The following TOPAZ1 variants were observed in gnomAD, a reference collection of about 807,000 sequenced individuals.
The protein encoded by TOPAZ1 is protein TOPAZ1.
TOPAZ1 carries 66 observed loss-of-function variants against 172.2 expected under a neutral mutation model. The ratio of observed to expected loss-of-function variants is 0.38; its 90% confidence interval spans 0.31 to 0.47. TOPAZ1 has a LOEUF of 0.47. TOPAZ1 is among the 20% of genes least tolerant of loss of function. The pLI, the probability that TOPAZ1 is intolerant of heterozygous loss-of-function variation, is 0.99. For missense variants in TOPAZ1, 1,822 were observed against 1,972.4 expected, an observed-to-expected ratio of 0.92 and a Z score of 1.44; for synonymous variants, 681 against 683.9, an observed-to-expected ratio of 1.00 and a Z score of 0.07.
intron 16 of TOPAZ1, among the ~76,000 whole-genome samples, chr3:44,315,830 A>C (rs999925384): frequency 6.6e-6 from 1 of 152,048 alleles, no homozygotes; most frequent in Non-Finnish European, 1.5e-5. Context: ...ATTTTCACCA[A>C]ATGTGAACCC....
chr3:44,305,413 AGGCTGGAGTACAGGGGTGC>A, intron 14 of TOPAZ1, 92 bp downstream of exon 14: 1 of 1,154,720 alleles, frequency 8.7e-7, no homozygotes, highest in Non-Finnish European at 1.2e-6. Context: ...TTTGTTACCC[AGGCTGGAGTACAGGGGTGC>A]GGTCATAGCT....
chr3:44,257,409 CTATTTTA>C (rs1699723359), intron 4 of TOPAZ1, among the ~76,000 whole-genome samples: 1 of 74,038 alleles, frequency 1.4e-5, no homozygotes, highest in Non-Finnish European at 2.9e-5. Context: ...GTGTGTGTGT[CTATTTTA>C]TATATTTTAT....
Position 44,244,501 on chromosome 3 carries a change from T to C in TOPAZ1, c.1995T>C (p.Ile665=). The C allele has an allele frequency of 1.3e-6, 2 of 1,551,630 alleles. No individual in the cohort carries two copies. Among genetic ancestry groups the C allele is most frequent in the South Asian group, 1.2e-5 (1 of 84,006 alleles). ...AGKTIHRKAC[I]AQQTFIVPDL... ...AAACTATTCATCGAAAAGCATGCAT[T>C]GCTCAACAAACATTTATAGTTCCAG... Residue 665 remains isoleucine, a synonymous_variant, in exon 2 of 20, where the codon ATT becomes ATC. Coordinates refer to ENST00000309765, the MANE Select transcript of TOPAZ1 (RefSeq NM_001145030.2).
At chr3:44,273,082 C>T (rs1480884018) in intron 8 of TOPAZ1, among the ~76,000 whole-genome samples, 1 of 152,208 alleles carries the variant, frequency 6.6e-6, no homozygotes, top group Non-Finnish European at 1.5e-5. Flanking sequence ...TAGCTATAGC[C>T]ATTCAAGTAA....
chr3:44,242,179 G>A lies in TOPAZ1; in HGVS notation c.126G>A (p.Gly42=). ...AAGGCGPEAG[G]CRENKQKRRM... ...GAGGCTGTGGCCCTGAGGCCGGGGGGTGCCGGGAAAATAAGCAAAAGAGGA... is the reference window on the plus strand; with the variant it reads ...GAGGCTGTGGCCCTGAGGCCGGGGGATGCCGGGAAAATAAGCAAAAGAGGA... Residue 42 remains glycine, a synonymous_variant, in exon 1 of 20, where the codon GGG becomes GGA. Transcript: ENST00000309765. 1.9e-6 allele frequency: 3 copies of A among 1,544,984 alleles called. No homozygotes were observed. The highest frequency in any genetic ancestry group is 2.6e-6 in the Non-Finnish European group (3 of 1,145,238).
intron 14 of TOPAZ1, among the ~76,000 whole-genome samples, chr3:44,305,742 A>G (rs1700329587): frequency 1.3e-5 from 2 of 152,030 alleles, no homozygotes; most frequent in Middle Eastern, 3.2e-3. Context: ...ACCCTTGAAT[A>G]TTTTCCATGT....
At position 44,243,924 on chromosome 3, in the gene TOPAZ1, G is replaced by A; in HGVS notation, c.1418G>A (p.Ser473Asn). ...ERRSSREDLR[S>N]ASEELKLSCQ... ...AGATCTTCACGGGAAGACTTAAGAAGTGCATCTGAAGAATTGAAGTTAAGC... is the reference window on the plus strand; with the variant it reads ...AGATCTTCACGGGAAGACTTAAGAAATGCATCTGAAGAATTGAAGTTAAGC... The change falls in exon 2 of 20, where the codon AGT (serine) becomes AAT (asparagine). Residue 473 changes from serine (S) to asparagine (N), a missense_variant. By Grantham distance (46) the Ser-to-Asn change is conservative. Around this residue, in one of 2 missense-constraint regions of TOPAZ1, gnomAD observed 1,489 missense variants for 1,490.8 expected, o/e 1.00. Coordinates refer to ENST00000309765, the MANE Select transcript of TOPAZ1 (RefSeq NM_001145030.2). 6.4e-7 allele frequency: 1 copy of A among 1,552,322 alleles called. No individual in the cohort carries two copies. Among genetic ancestry groups the A allele is most frequent in the Non-Finnish European group, 8.7e-7 (1 of 1,147,088 alleles).
chr3:44,256,462 T>C (rs1699705095), intron 4 of TOPAZ1, among the ~76,000 whole-genome samples, 184 bp downstream of exon 4: 1 of 152,206 alleles, frequency 6.6e-6, no homozygotes. Flanking sequence ...AAAAAGATCT[T>C]CCTTGCCTGG....
At position 44,254,557 on chromosome 3, in the gene TOPAZ1, G is replaced by A. The variant is rs181728152; in HGVS notation, c.2766-411G>A. 2.6e-4 allele frequency among the ~76,000 whole-genome samples: 39 copies of A among 147,790 alleles called. No individual in the cohort carries two copies. The Middle Eastern group carries it at 0.011, about 40-fold the overall frequency. ...CAGTAGAATCACTTGAACTCATGAG[G>A]CAGAGGTTGCAGTGAGCCAAGATCG... On this transcript the variant is annotated intron_variant, in intron 2 of 19. Transcript: ENST00000309765.
chr3:44,298,909 A>T lies in TOPAZ1; in HGVS notation c.3798-5106A>T, dbSNP rs929364882. On this transcript the variant is annotated intron_variant, in intron 12 of 19. Coordinates refer to ENST00000309765, the MANE Select transcript of TOPAZ1 (RefSeq NM_001145030.2). Reference sequence around the variant, plus strand: ...ATATATATTATATATATATATATATATTTTTTTTTTTTTTTTTTTTTTTTT... The same window carrying T: ...ATATATATTATATATATATATATATTTTTTTTTTTTTTTTTTTTTTTTTTT... Among the ~76,000 whole-genome samples, 4 of 41,312 alleles carry T rather than the reference A, an allele frequency of 9.7e-5. 1 individual carries two copies. The highest frequency in any genetic ancestry group is 2.3e-4 in the African/African-American group (3 of 12,950). 27.1% of individuals were successfully genotyped at this position (41,312 alleles called of 152,430 possible). A position where few individuals can be genotyped will look rare whatever the true frequency, so the allele number is the denominator to read the frequency against.
At chr3:44,278,218 TAGA>T in intron 8 of TOPAZ1, among the ~76,000 whole-genome samples, 1 of 152,216 alleles carries the variant, frequency 6.6e-6, no homozygotes. Context: ...CTTACATTCC[TAGA>T]ATAAATCCCA....
intron 16 of TOPAZ1, among the ~76,000 whole-genome samples, chr3:44,316,559 TCTTTAA>T (rs1301766236): frequency 4.6e-5 from 7 of 152,172 alleles, no homozygotes; most frequent in Non-Finnish European, 1.0e-4. Flanking sequence ...TTTTCATTTT[TCTTTAA>T]CTTTATGATG....
intron 2 of TOPAZ1, among the ~76,000 whole-genome samples, chr3:44,249,378 T>G (rs969970947): frequency 2.0e-5 from 3 of 152,064 alleles, no homozygotes; most frequent in African/African-American, 4.8e-5. Flanking sequence ...TCCTTGAAGT[T>G]TGGATTTTAG....
intron 8 of TOPAZ1, among the ~76,000 whole-genome samples, chr3:44,272,770 AGGAT>A (rs1309527697): frequency 6.6e-6 from 1 of 152,210 alleles, no homozygotes; most frequent in Non-Finnish European, 1.5e-5. Context: ...CATGTTGGCC[AGGAT>A]GGTCCCCATC....
chr3:44,276,414 C>T (rs1699958253), intron 8 of TOPAZ1, among the ~76,000 whole-genome samples: 1 of 152,002 alleles, frequency 6.6e-6, no homozygotes, highest in Non-Finnish European at 1.5e-5. Context: ...TTCCCAGCAC[C>T]ACTTATTGAA....
intron 19 of TOPAZ1, among the ~76,000 whole-genome samples, chr3:44,331,514 T>C (rs1472778674): frequency 2.6e-5 from 4 of 152,094 alleles, no homozygotes; most frequent in African/African-American, 9.7e-5. Flanking sequence ...TTTGTAGAGA[T>C]GAAGGTCTCA....
chr3:44,259,255 G>T (rs894941009), intron 4 of TOPAZ1, among the ~76,000 whole-genome samples: 1 of 152,050 alleles, frequency 6.6e-6, no homozygotes, highest in African/African-American at 2.4e-5. Flanking sequence ...TCTAGGTTCT[G>T]CCTGCTTTTC....
rs191110638 is a variant in TOPAZ1 at position 44,266,447 on chromosome 3, T to C, written c.3021-550T>C. 2.6e-5 allele frequency among the ~76,000 whole-genome samples: 4 copies of C among 152,348 alleles called. No individual in the cohort carries two copies. The East Asian group carries it at 7.7e-4, about 29-fold the overall frequency. On this transcript the variant is annotated intron_variant, in intron 5 of 19. Coordinates refer to ENST00000309765, the MANE Select transcript of TOPAZ1 (RefSeq NM_001145030.2). ...GTCAACATGCCTTCCTCACTAAGCTTAATCATTTCTAGCTTTTGATTTAAA... is the reference window on the plus strand; with the variant it reads ...GTCAACATGCCTTCCTCACTAAGCTCAATCATTTCTAGCTTTTGATTTAAA...
intron 18 of TOPAZ1, among the ~76,000 whole-genome samples, chr3:44,324,047 A>T (rs933989784): frequency 6.6e-6 from 1 of 152,180 alleles, no homozygotes; most frequent in African/African-American, 2.4e-5. Context: ...CCTAGCCACT[A>T]CTACCTGAGC....
Sources: gnomAD v4.1 joint callset for allele counts (sites outside exome capture counted in the v4.1 genomes callset) on GRCh38, gnomAD v4.1.1 for gene constraint, gnomAD v4.1.1 regional missense constraint, MANE v1.5 for transcripts, NCBI Gene and HGNC (gene_info 2026-07-23, HGNC 2026-07-21) for gene names.